Variants in STK39 observed in about 807,000 individuals in gnomAD.
The protein encoded by STK39 is serine/threonine kinase 39, also known as STE20/SPS1-related proline-alanine-rich protein kinase.
In STK39, 20 loss-of-function variants were observed where a neutral mutation model predicts 77.8. The observed-to-expected ratio is 0.26, with a 90% CI of 0.18 to 0.37. The LOEUF (loss-of-function observed/expected upper bound fraction) is 0.37, where lower values mean the gene tolerates loss of function less well. Among genes scored for constraint, STK39 ranks in the 10% least tolerant of loss-of-function variants. The pLI, the probability that STK39 is intolerant of heterozygous loss-of-function variation, is 1.00. For missense variants in STK39, 479 were observed against 656.5 expected, an observed-to-expected ratio of 0.73 and a Z score of 2.95; for synonymous variants, 246 against 234.1, an observed-to-expected ratio of 1.05 and a Z score of -0.47.
chr2:168,112,280 G>C (rs560257652), intron 10 of STK39, among the ~76,000 whole-genome samples: 41 of 152,156 alleles, frequency 2.7e-4, no homozygotes, highest in African/African-American at 9.6e-4. Flanking sequence ...GGACTCCTAA[G>C]GTTCTTCAAA....
chr2:168,040,808 T>C (rs1685084457), intron 14 of STK39, among the ~76,000 whole-genome samples: 1 of 152,224 alleles, frequency 6.6e-6, no homozygotes, highest in African/African-American at 2.4e-5. Flanking sequence ...TATGTTTATC[T>C]TCTCTCCAAA....
chr2:168,194,512 T>C (rs185710143), intron 1 of STK39, among the ~76,000 whole-genome samples: 531 of 152,280 alleles, frequency 3.5e-3, no homozygotes, highest in Non-Finnish European at 5.8e-3. Context: ...TATTTGATTT[T>C]TTGGGTGGGT....
rs1691739992 is a variant in STK39, at chr2:167,955,557, T to C, written c.1577A>G (p.Asp526Gly). The C allele has an allele frequency of 3.1e-6, 5 of 1,613,684 alleles. No individual in the cohort carries two copies. The highest frequency in any genetic ancestry group is 4.2e-6 in the Non-Finnish European group (5 of 1,179,820). Residue 526 changes from aspartate (D) to glycine (G), a missense_variant, in exon 18 of 18, where the codon GAT (aspartate) becomes GGT (glycine). This residue lies in a region of STK39 where 244 missense variants were observed against 296.8 expected (regional missense o/e 0.82). Transcript: ENST00000355999. ...CACTTCATCAGGAATCTCCGACCCA[T>C]CACAGCCAGAAGCCTGAAAAGGGAA... ...TLTFKLASGC[D>G]GSEIPDEVKL...
At chr2:168,206,302 CTT>C (rs869096206) in intron 1 of STK39, among the ~76,000 whole-genome samples, 26 of 141,620 alleles carry the variant, frequency 1.8e-4, no homozygotes, top group East Asian at 2.0e-4. Flanking sequence ...TCTTTTCTTT[CTT>C]TTTTTTTTTT....
At chr2:167,981,067 G>T (rs767150539) in intron 16 of STK39, among the ~76,000 whole-genome samples, 1 of 151,804 alleles carries the variant, frequency 6.6e-6, no homozygotes, top group African/African-American at 2.4e-5. Flanking sequence ...AAAAATGAAA[G>T]ACTTGAAATC....
intron 1 of STK39, among the ~76,000 whole-genome samples, chr2:168,191,669 T>C (rs767537208): frequency 1.3e-5 from 2 of 152,212 alleles, no homozygotes; most frequent in Non-Finnish European, 2.9e-5. Context: ...TTGAGAACCA[T>C]GGTTCCCTCC....
intron 2 of STK39, among the ~76,000 whole-genome samples, chr2:168,177,444 G>A (rs1170446293): frequency 6.6e-6 from 1 of 152,130 alleles, no homozygotes; most frequent in African/African-American, 2.4e-5. Flanking sequence ...GGAAAAAATT[G>A]AAAGGGATCT....
At chr2:168,099,553 A>T (rs1686765906) in intron 10 of STK39, among the ~76,000 whole-genome samples, 1 of 152,196 alleles carries the variant, frequency 6.6e-6, no homozygotes, top group Non-Finnish European at 1.5e-5. Context: ...TTTGTCAATA[A>T]CCTCAGCTGT....
At chr2:168,235,456 T>A (rs1329682665) in intron 1 of STK39, among the ~76,000 whole-genome samples, 5 of 149,994 alleles carry the variant, frequency 3.3e-5, no homozygotes, top group East Asian at 1.9e-4. Flanking sequence ...TTTTTTTTTT[T>A]AATTATTATT....
chr2:168,086,322 A>G (rs1221526280), intron 10 of STK39, among the ~76,000 whole-genome samples: 2 of 152,228 alleles, frequency 1.3e-5, no homozygotes, highest in Non-Finnish European at 2.9e-5. Context: ...TTTAATTTAC[A>G]CTTACAAAGT....
chr2:168,116,515 G>A (rs895865), intron 10 of STK39, among the ~76,000 whole-genome samples: 151,374 of 152,302 alleles, frequency 0.99, 75,231 homozygotes, highest in Middle Eastern at 1. Context: ...TAAAAACAAG[G>A]TATTTCTGGC....
Position 168,161,328 on chromosome 2 carries a change from T to C in STK39, c.628+459A>G, listed in dbSNP as rs3769388. Among the ~76,000 whole-genome samples the C allele has an allele frequency of 1.6e-4, 24 of 152,340 alleles. No homozygotes were observed. In the East Asian group the frequency reaches 4.6e-3, roughly 29 times the overall value. On this transcript the variant is annotated intron_variant, in intron 5 of 17. Coordinates refer to ENST00000355999, the MANE Select transcript of STK39 (RefSeq NM_013233.3). ...CCCAGCCTACCAGCTTTGTCAAGAA[T>C]AGCCATGTTGGGTCAGAGTTAAAAA...
rs1371136142 is a variant in STK39 at position 168,076,992 on chromosome 2, T to G, written c.1090-1761A>C. Among the ~76,000 whole-genome samples the G allele has an allele frequency of 7.2e-5, 11 of 152,272 alleles. No individual in the cohort carries two copies. The South Asian group carries it at 2.3e-3, about 32-fold the overall frequency. On this transcript the variant is annotated intron_variant, in intron 10 of 17. Coordinates refer to ENST00000355999, the MANE Select transcript of STK39 (RefSeq NM_013233.3). ...AATAATTTTCTGTTGACATATACAA[T>G]AAAATTATTTTCTTAGCAACGCTGA... is the stretch of plus-strand genomic sequence containing the variant.
At chr2:168,082,080 T>C (rs926408042) in intron 10 of STK39, among the ~76,000 whole-genome samples, 1 of 152,234 alleles carries the variant, frequency 6.6e-6, no homozygotes, top group Non-Finnish European at 1.5e-5. Flanking sequence ...TCTCACCCTC[T>C]TTCCCTGCTG....
chr2:168,148,946 A>T (rs1688211370), intron 5 of STK39, among the ~76,000 whole-genome samples: 2 of 152,208 alleles, frequency 1.3e-5, no homozygotes, highest in Admixed American at 6.5e-5. Context: ...TTTGAGCAAC[A>T]GGTCCTCAAG....
rs775773036 is a variant in STK39, at chr2:168,169,305, T to TG, written c.322-1899dup. Among the ~76,000 whole-genome samples the TG allele has an allele frequency of 3.9e-5, 6 of 152,222 alleles. No homozygotes were observed. The East Asian group carries it at 1.2e-3, about 29-fold the overall frequency. On this transcript the variant is annotated intron_variant, in intron 2 of 17. Coordinates refer to ENST00000355999, the MANE Select transcript of STK39 (RefSeq NM_013233.3). ...TTTCAAGTCAATAGCATCTGCTCAG[T>TG]GCGGGGATGGCCCACACTGAAGGTC...
intron 1 of STK39, among the ~76,000 whole-genome samples, chr2:168,195,900 C>A (rs548745924): frequency 4.6e-5 from 7 of 152,254 alleles, no homozygotes; most frequent in Non-Finnish European, 8.8e-5. Flanking sequence ...ACCTGTAATC[C>A]CAGCTACTCA....
intron 10 of STK39, among the ~76,000 whole-genome samples, chr2:168,126,177 G>T (rs1247724588): frequency 6.6e-6 from 1 of 152,130 alleles, no homozygotes; most frequent in African/African-American, 2.4e-5. Context: ...TGGACTGTCT[G>T]TTTCTCTTTG....
chr2:168,075,076 A>G (rs1227080074), intron 11 of STK39, 33 bp downstream of exon 11: 1 of 1,614,118 alleles, frequency 6.2e-7, no homozygotes, highest in South Asian at 1.1e-5. Flanking sequence ...TAAAATTTAC[A>G]CAGATTAGCT....
Sources: gnomAD v4.1 joint callset for allele counts (sites outside exome capture counted in the v4.1 genomes callset) on GRCh38, gnomAD v4.1.1 for gene constraint, gnomAD v4.1.1 regional missense constraint, MANE v1.5 for transcripts, NCBI Gene and HGNC (gene_info 2026-07-23, HGNC 2026-07-21) for gene names.